The following SLC46A3 variants were observed in gnomAD, a reference collection of about 807,000 sequenced individuals.
The protein encoded by SLC46A3 is solute carrier family 46 member 3, also known as lysosomal proton-coupled steroid conjugate and bile acid symporter SLC46A3.
In SLC46A3, 26 loss-of-function variants were observed where a neutral mutation model predicts 38.5. The ratio of observed to expected loss-of-function variants is 0.68; its 90% CI spans 0.49 to 0.94. The LOEUF is 0.94. Among genes scored for constraint, SLC46A3 ranks in the 40% least tolerant of loss-of-function variants. The pLI, the probability that SLC46A3 is intolerant of heterozygous loss-of-function variation, is 0.00. For missense variants in SLC46A3, 510 were observed against 544.3 expected, an observed-to-expected ratio of 0.94 and a Z score of 0.63; for synonymous variants, 185 against 192.5, an observed-to-expected ratio of 0.96 and a Z score of 0.32.
intron 5 of SLC46A3, among the ~76,000 whole-genome samples, 184 bp from the exon 6 acceptor site, chr13:28,701,765 C>A (rs1308845707): frequency 6.6e-6 from 1 of 152,076 alleles, no homozygotes; most frequent in African/African-American, 2.4e-5. Flanking sequence ...AATTTTAAAA[C>A]TGCATGATTT....
Position 28,700,790 on chromosome 13 carries a change from T to C in SLC46A3, c.*707A>G. On this transcript the variant is annotated 3_prime_UTR_variant, in exon 6 of 6. Coordinates refer to ENST00000266943, the MANE Select transcript of SLC46A3 (RefSeq NM_181785.4). ...CCCATTACATATAGAAATATTATCA[T>C]GCCTGTCACCGATGAAACATATTAA... The C allele has an allele frequency of 1.8e-6, 1 of 554,214 alleles. No homozygotes were observed. 34.3% of individuals were successfully genotyped at this position (554,214 alleles called of 1,614,324 possible).
At position 28,710,962 on chromosome 13, in the gene SLC46A3, G is replaced by A. The variant is rs74753667; in HGVS notation, c.1061-119C>T. ...TTTTCTACAAGCATCCTAACTCATTGTATCTAAAAATTGAATTAATTAATT... is the reference window on the plus strand; with the variant it reads ...TTTTCTACAAGCATCCTAACTCATTATATCTAAAAATTGAATTAATTAATT... On this transcript the variant is annotated intron_variant, in intron 3 of 5. Transcript: ENST00000266943. 6,653 of 694,156 alleles carry A rather than the reference G, an allele frequency of 9.6e-3. 316 individuals carry two copies. The African/African-American group carries it at 0.11, about 11-fold the overall frequency. The allele number at this position is 694,156 out of a possible 1,614,324, so 43.0% of individuals were successfully genotyped here.
intron 5 of SLC46A3, 78 bp downstream of exon 5, chr13:28,703,865 A>G (rs1364493714): frequency 2.2e-6 from 3 of 1,347,438 alleles, no homozygotes; most frequent in African/African-American, 1.5e-5. Context: ...CAACAGACCT[A>G]TGTAATTTAC....
chr13:28,702,714 G>C (rs1290677395), intron 5 of SLC46A3, among the ~76,000 whole-genome samples: 2 of 152,216 alleles, frequency 1.3e-5, no homozygotes, highest in African/African-American at 4.8e-5. Flanking sequence ...CTCTGACACA[G>C]ATCTAGGTAT....
intron 2 of SLC46A3, among the ~76,000 whole-genome samples, chr13:28,714,145 A>T (rs1304751762): frequency 1.4e-4 from 2 of 14,754 alleles, no homozygotes; most frequent in Admixed American, 3.0e-3. Context: ...AAAATACAAA[A>T]AAAAAAAAAA....
rs763393019 is a variant in SLC46A3, at chr13:28,701,471, AT to A, written c.*25del. On this transcript the variant is annotated 3_prime_UTR_variant, in exon 6 of 6. Coordinates refer to ENST00000266943, the MANE Select transcript of SLC46A3 (RefSeq NM_181785.4). ...TGGTATATGATATGTGCATTCATAG[AT>A]TTTTTTTGTTTGTTTAAATCACAGT... 22 of 1,606,444 alleles carry A rather than the reference AT, an allele frequency of 1.4e-5. No homozygotes were observed. Among genetic ancestry groups the A allele is most frequent in the South Asian group, 3.4e-5 (3 of 89,180 alleles).
At chr13:28,710,645 G>C (rs1885314777) in intron 4 of SLC46A3, 115 bp downstream of exon 4, 1 of 808,728 alleles carries the variant, frequency 1.2e-6, no homozygotes, top group African/African-American at 1.7e-5. Context: ...TATTCAAAAG[G>C]AGATCCGTGC....
At chr13:28,717,707 G>T (rs939780651) in intron 2 of SLC46A3, 103 bp downstream of exon 2, 3 of 1,190,232 alleles carry the variant, frequency 2.5e-6, no homozygotes, top group Non-Finnish European at 3.6e-6. Context: ...TTTGATGGCC[G>T]CCCTAGAGAG....
At position 28,701,129 on chromosome 13, in the gene SLC46A3, C is replaced by T. The variant is rs1409761848; in HGVS notation, c.*368G>A. ...TGAAGAAACTGAGGTAAAGATTTCT[C>T]TTTGGTCTCAGTGTAAGAGCCTGGA... is the stretch of plus-strand genomic sequence containing the variant. On this transcript the variant is annotated 3_prime_UTR_variant, in exon 6 of 6. Transcript: ENST00000266943. 1.3e-5 allele frequency: 18 copies of T among 1,438,400 alleles called. No individual in the cohort carries two copies. Among genetic ancestry groups the T allele is most frequent in the African/African-American group, 2.9e-5 (2 of 69,520 alleles). The allele number at this position is 1,438,400 out of a possible 1,614,324, so 89.1% of individuals were successfully genotyped here.
chr13:28,717,601 G>A (rs903109278), intron 2 of SLC46A3, among the ~76,000 whole-genome samples: 19 of 150,936 alleles, frequency 1.3e-4, no homozygotes, highest in African/African-American at 4.6e-4. Flanking sequence ...CAGAGCAGGA[G>A]GGTGTTTTAA....
chr13:28,708,311 A>G (rs1885235926), intron 4 of SLC46A3, among the ~76,000 whole-genome samples: 1 of 152,162 alleles, frequency 6.6e-6, no homozygotes, highest in African/African-American at 2.4e-5. Context: ...ATTTCTCCAC[A>G]TCCTCATCAA....
At chr13:28,709,426 C>T (rs930982995) in intron 4 of SLC46A3, among the ~76,000 whole-genome samples, 33 of 151,996 alleles carry the variant, frequency 2.2e-4, no homozygotes, top group African/African-American at 7.5e-4. Context: ...AATACAACAG[C>T]ATAATTATGA....
In SLC46A3 at chr13:28,718,091, A is replaced by C. The variant is rs1593193028; in HGVS notation, c.-24-69T>G. ...GAGGCTAGATATTCAAAGATGGGTA[A>C]GTTTGAGCAATTTTGTGGAGTAAAT... On this transcript the variant is annotated intron_variant, in intron 1 of 5. Coordinates refer to ENST00000266943, the MANE Select transcript of SLC46A3 (RefSeq NM_181785.4). 5 of 1,318,694 alleles carry C rather than the reference A, an allele frequency of 3.8e-6. No individual in the cohort carries two copies. In the East Asian group the frequency reaches 9.5e-5, roughly 25 times the overall value. The allele number at this position is 1,318,694 out of a possible 1,614,324, so 81.7% of individuals were successfully genotyped here. A position where few individuals can be genotyped will look rare whatever the true frequency, so the allele number is the denominator to read the frequency against.
chr13:28,700,746 A>T lies in SLC46A3; in HGVS notation c.*751T>A. 1 of 465,636 alleles carries T rather than the reference A, an allele frequency of 2.1e-6. No homozygotes were observed. Among genetic ancestry groups the T allele is most frequent in the Non-Finnish European group, 3.9e-6 (1 of 258,596 alleles). The allele number at this position is 465,636 out of a possible 1,614,324, so 28.8% of individuals were successfully genotyped here. A position where few individuals can be genotyped will look rare whatever the true frequency, so the allele number is the denominator to read the frequency against. On this transcript the variant is annotated 3_prime_UTR_variant, in exon 6 of 6. Transcript: ENST00000266943. ...CTTCTTTAGAGCAATTTTATTTATC[A>T]TCTATTTTTTCCCAATTACCCATTA...
chr13:28,713,698 A>C (rs1225211210), intron 2 of SLC46A3, 148 bp from the exon 3 acceptor site: 1 of 677,644 alleles, frequency 1.5e-6, no homozygotes, highest in Non-Finnish European at 2.4e-6. Flanking sequence ...TAGAGCTTAC[A>C]TTTTCATCCA....
Position 28,701,428 on chromosome 13 carries a change from T to C in SLC46A3, c.*69A>G. The C allele has an allele frequency of 6.3e-7, 1 of 1,576,380 alleles. No homozygotes were observed. The highest frequency in any genetic ancestry group is 1.4e-5 in the African/African-American group (1 of 73,164). On this transcript the variant is annotated 3_prime_UTR_variant, in exon 6 of 6. Coordinates refer to ENST00000266943, the MANE Select transcript of SLC46A3 (RefSeq NM_181785.4). ...TGAAGCACTGATTGTGGAATTCATT[T>C]ATAGTCTTCAGAAGTCATGGTATAT...
Position 28,701,180 on chromosome 13 carries a change from G to T in SLC46A3, c.*317C>A. The T allele has an allele frequency of 7.1e-7, 1 of 1,401,108 alleles. No homozygotes were observed. 86.8% of individuals were successfully genotyped at this position (1,401,108 alleles called of 1,614,324 possible). A position where few individuals can be genotyped will look rare whatever the true frequency, so the allele number is the denominator to read the frequency against. ...ATATGTCAGAGAGATTATTGCTTTT[G>T]ACCTTATCAAGTTTCTTGATCCCTC... On this transcript the variant is annotated 3_prime_UTR_variant, in exon 6 of 6. Transcript: ENST00000266943.
chr13:28,703,883 G>A (rs531788803), intron 5 of SLC46A3, 60 bp downstream of exon 5: 1 of 1,487,628 alleles, frequency 6.7e-7, no homozygotes, highest in East Asian at 2.3e-5. Flanking sequence ...TACTGGTGAG[G>A]TTAGGGAATT....
chr13:28,704,131 A>T, intron 4 of SLC46A3, 32 bp from the exon 5 acceptor site: 2 of 1,568,726 alleles, frequency 1.3e-6, no homozygotes. Context: ...AGAGAGGAAA[A>T]AAAAAAGGCA....
Sources: gnomAD v4.1 joint callset for allele counts (sites outside exome capture counted in the v4.1 genomes callset) on GRCh38, gnomAD v4.1.1 for gene constraint, MANE v1.5 for transcripts, NCBI Gene and HGNC (gene_info 2026-07-23, HGNC 2026-07-21) for gene names.